Variants in PKIB observed in about 807,000 individuals in gnomAD.
The protein encoded by PKIB is cAMP-dependent protein kinase inhibitor beta, also known as PKI-beta.
A neutral mutation model predicts 4.5 loss-of-function variants in PKIB; 2 were observed. The ratio of observed to expected loss-of-function variants is 0.44; its 90% CI spans 0.18 to 1.39. The LOEUF is 1.39. Ranked by LOEUF, PKIB falls within the 40% of genes most tolerant of loss-of-function variation. The probability of loss-of-function intolerance (pLI) is 0.27; values close to 1 mark genes in which losing one functional copy is unlikely to be tolerated. For missense variants in PKIB, 94 were observed against 92.6 expected, an observed-to-expected ratio of 1.02 and a Z score of -0.06; for synonymous variants, 38 against 36.0, an observed-to-expected ratio of 1.06 and a Z score of -0.20.
intron 2 of PKIB, among the ~76,000 whole-genome samples, chr6:122,663,351 T>C (rs1196421521): frequency 6.6e-6 from 1 of 152,204 alleles, no homozygotes; most frequent in Non-Finnish European, 1.5e-5. Flanking sequence ...TAAATTACTA[T>C]GTTTCCTGGA....
chr6:122,601,117 A>T (rs972326180), intron 3 of PKIB, among the ~76,000 whole-genome samples: 22 of 152,194 alleles, frequency 1.4e-4, no homozygotes, highest in African/African-American at 5.1e-4. Flanking sequence ...GAAAAATAAA[A>T]CACAGAAAGA....
At chr6:122,605,356 T>A (rs569671879), upstream of PKIB, among the ~76,000 whole-genome samples, 1 of 152,334 alleles carries the variant, frequency 6.6e-6, no homozygotes, top group Non-Finnish European at 1.5e-5. Context: ...CAGAGAGTGT[T>A]ATGCTTTTTA....
At chr6:122,536,128 C>T (rs1428294543) in intron 2 of PKIB, among the ~76,000 whole-genome samples, 1 of 152,000 alleles carries the variant, frequency 6.6e-6, no homozygotes, top group Non-Finnish European at 1.5e-5. Context: ...TCAGTAGAGA[C>T]GGAGTTTCAC....
In PKIB at chr6:122,725,008, A is replaced by G. The variant is rs1375635696; in HGVS notation, c.170-120A>G. On this transcript the variant is annotated intron_variant, in intron 4 of 4. Transcript: ENST00000368452. ...TATCGCTCTTCTTTGTATAGTTTCC[A>G]TATCTGAATTGAGGGCAAAATATGG... The G allele has an allele frequency of 1.6e-5, 11 of 707,074 alleles. 1 individual carries two copies. The Admixed American group carries it at 2.2e-4, about 14-fold the overall frequency. 43.8% of individuals were successfully genotyped at this position (707,074 alleles called of 1,614,324 possible).
chr6:122,618,464 A>G (rs920117993), intron 1 of PKIB, among the ~76,000 whole-genome samples: 8 of 152,086 alleles, frequency 5.3e-5, no homozygotes, highest in Non-Finnish European at 1.2e-4. Context: ...AACATTTTTT[A>G]ATAATGTTTT....
intron 2 of PKIB, among the ~76,000 whole-genome samples, chr6:122,495,941 C>A (rs1199408999): frequency 6.6e-6 from 1 of 152,134 alleles, no homozygotes; most frequent in African/African-American, 2.4e-5. Flanking sequence ...CCAGATGATC[C>A]TCCTAGTCAC....
chr6:122,690,927 T>TATA (rs1234265103), intron 3 of PKIB, among the ~76,000 whole-genome samples: 1 of 75,820 alleles, frequency 1.3e-5, no homozygotes, highest in African/African-American at 5.0e-5. Flanking sequence ...TATATATATA[T>TATA]ATATATTTTT....
At chr6:122,718,672 A>G (rs1779604229) in intron 4 of PKIB, among the ~76,000 whole-genome samples, 1 of 152,158 alleles carries the variant, frequency 6.6e-6, no homozygotes, top group Non-Finnish European at 1.5e-5. Flanking sequence ...ACTCTAGTGT[A>G]TGTTTGGGAA....
At chr6:122,675,851 A>G (rs1404203333) in intron 3 of PKIB, among the ~76,000 whole-genome samples, 1 of 152,136 alleles carries the variant, frequency 6.6e-6, no homozygotes, top group Non-Finnish European at 1.5e-5. Flanking sequence ...AAGTTTTATT[A>G]TAGCACTAAA....
intron 3 of PKIB, among the ~76,000 whole-genome samples, chr6:122,706,838 A>C (rs2115042385): frequency 6.6e-6 from 1 of 152,298 alleles, no homozygotes; most frequent in South Asian, 2.1e-4. Context: ...GAAATCATTA[A>C]TAATAACATA....
At chr6:122,508,226 G>A (rs1048078045) in intron 2 of PKIB, among the ~76,000 whole-genome samples, 2 of 152,170 alleles carry the variant, frequency 1.3e-5, no homozygotes, top group Non-Finnish European at 2.9e-5. Flanking sequence ...TGCTGGTTTG[G>A]CAAGTAGTCC....
At chr6:122,669,882 G>C (rs934385356) in intron 2 of PKIB, among the ~76,000 whole-genome samples, 1 of 151,978 alleles carries the variant, frequency 6.6e-6, no homozygotes. Context: ...ATTAGTTTCC[G>C]ACATCAGTTT....
chr6:122,506,411 A>G (rs1306148924), intron 2 of PKIB, among the ~76,000 whole-genome samples: 1 of 152,156 alleles, frequency 6.6e-6, no homozygotes, highest in Non-Finnish European at 1.5e-5. Flanking sequence ...AGTTTGGGCC[A>G]TCATTAACTT....
chr6:122,590,720 C>T (rs1773992457), intron 3 of PKIB, among the ~76,000 whole-genome samples: 1 of 152,066 alleles, frequency 6.6e-6, no homozygotes, highest in Admixed American at 6.6e-5. Flanking sequence ...AAGGGCAGAA[C>T]CATCAGATAT....
chr6:122,501,204 A>G (rs1776224525), intron 2 of PKIB, among the ~76,000 whole-genome samples: 1 of 152,186 alleles, frequency 6.6e-6, no homozygotes, highest in Non-Finnish European at 1.5e-5. Context: ...TCCAACTCCA[A>G]AGTCTCATTT....
In PKIB at chr6:122,655,012, TTTTGCCCAGGC is replaced by T. The variant is rs373245547; in HGVS notation, c.-75-20053_-75-20043del. ...TTGTTTTTGAGACAGAATTTAACTCTTTTGCCCAGGCTTTGCCCAGGCTGGAGTGAAGTGGC... is the reference window on the plus strand; with the variant it reads ...TTGTTTTTGAGACAGAATTTAACTCTTTTGCCCAGGCTGGAGTGAAGTGGC... On this transcript the variant is annotated intron_variant, in intron 2 of 4. Coordinates refer to ENST00000368452, the MANE Select transcript of PKIB (RefSeq NM_181795.3). Among the ~76,000 whole-genome samples the T allele has an allele frequency of 2.6e-3, 390 of 152,278 alleles. 2 individuals are homozygous for T. Among genetic ancestry groups the T allele is most frequent in the African/African-American group, 8.6e-3 (359 of 41,556 alleles).
chr6:122,691,057 A>AT (rs1161095009), intron 3 of PKIB, among the ~76,000 whole-genome samples: 1 of 151,562 alleles, frequency 6.6e-6, no homozygotes, highest in Non-Finnish European at 1.5e-5. Flanking sequence ...GCTGCCAGAC[A>AT]TATTGGTGCT....
At chr6:122,653,000 G>C (rs1346580975) in intron 2 of PKIB, among the ~76,000 whole-genome samples, 1 of 152,116 alleles carries the variant, frequency 6.6e-6, no homozygotes, top group Non-Finnish European at 1.5e-5. Context: ...GGGTCATCCT[G>C]ATCTTTGGGT....
chr6:122,608,408 C>T (rs1488942489), upstream of PKIB, among the ~76,000 whole-genome samples: 1 of 152,234 alleles, frequency 6.6e-6, no homozygotes, highest in Non-Finnish European at 1.5e-5. Context: ...ACTGCTACCA[C>T]CAATTCTTGG....
Sources: gnomAD v4.1 joint callset for allele counts (sites outside exome capture counted in the v4.1 genomes callset) on GRCh38, gnomAD v4.1.1 for gene constraint, MANE v1.5 for transcripts, NCBI Gene and HGNC (gene_info 2026-07-23, HGNC 2026-07-21) for gene names.